Variants in PCDHGA11 observed in about 807,000 individuals in gnomAD.
PCDHGA11 encodes protocadherin gamma subfamily A, 11, also known as protocadherin gamma-A11.
PCDHGA11 carries 39 observed loss-of-function variants against 60.4 expected under a neutral mutation model. The observed-to-expected ratio is 0.65, with a 90% CI of 0.50 to 0.84. The LOEUF (loss-of-function observed/expected upper bound fraction) is 0.84, where lower values mean the gene tolerates loss of function less well. Ranked by LOEUF, PCDHGA11 falls within the 40% of genes least tolerant of loss-of-function variation. The pLI is 0.00. For missense variants in PCDHGA11, 1,165 were observed against 1,197.7 expected (o/e 0.97, Z 0.40); for synonymous variants, 533 against 510.3 (o/e 1.04, Z -0.60).
At position 141,511,247 on chromosome 5, in the gene PCDHGA11, C is replaced by A; in HGVS notation, c.*74C>A. The A allele has an allele frequency of 1.3e-6, 2 of 1,577,162 alleles. No individual in the cohort carries two copies. The highest frequency in any genetic ancestry group is 1.7e-6 in the Non-Finnish European group (2 of 1,161,712). On this transcript the variant is annotated 3_prime_UTR_variant, in exon 4 of 4. Transcript: ENST00000398587. Reference sequence around the variant, plus strand: ...CAGCTTCTCCTTACCTGCACCCAGGCCTCAGAGTTTCAGGGCTAACCCCCA... The same window carrying A: ...CAGCTTCTCCTTACCTGCACCCAGGACTCAGAGTTTCAGGGCTAACCCCCA...
intron 1 of PCDHGA11, chr5:141,441,118 G>C (rs1265461098): frequency 6.6e-6 from 1 of 152,212 alleles, no homozygotes; most frequent in Non-Finnish European, 1.5e-5. Flanking sequence ...CCAGTGTACA[G>C]TTGAGACCGA....
Position 141,432,562 on chromosome 5 carries a change from C to G in PCDHGA11, c.2433+8902C>G. On this transcript the variant is annotated intron_variant, in intron 1 of 3. Coordinates refer to ENST00000398587, the MANE Select transcript of PCDHGA11 (RefSeq NM_018914.3). The surrounding 1 kb of genome is among the most constrained non-coding windows in gnomAD (Gnocchi z 6.0). ...CGGTGGACAGAGACTCCGGCCAGAA[C>G]GCCTGGCTGTCCTACCGTCTGCTCA... 1 of 1,613,964 alleles carries G rather than the reference C, an allele frequency of 6.2e-7. No homozygotes were observed. Among genetic ancestry groups the G allele is most frequent in the Non-Finnish European group, 8.5e-7 (1 of 1,180,004 alleles).
chr5:141,492,492 G>A (rs896538392), intron 1 of PCDHGA11, among the ~76,000 whole-genome samples: 2 of 152,206 alleles, frequency 1.3e-5, no homozygotes, highest in African/African-American at 2.4e-5. Context: ...AGGACCAGGC[G>A]AGGACTCCGG....
chr5:141,435,642 T>C lies in PCDHGA11; in HGVS notation c.2433+11982T>C, dbSNP rs1326178929. On this transcript the variant is annotated intron_variant, in intron 1 of 3. Coordinates refer to ENST00000398587, the MANE Select transcript of PCDHGA11 (RefSeq NM_018914.3). ...CATAACTTTTACAACTATGGGAAAA[T>C]TTCTGAAACGTGCACAGATTCCAAG... Among the ~76,000 whole-genome samples the C allele has an allele frequency of 2.0e-5, 3 of 152,156 alleles. No individual in the cohort carries two copies. The East Asian group carries it at 5.8e-4, about 29-fold the overall frequency.
chr5:141,460,507 G>A (rs2098991001), intron 1 of PCDHGA11, among the ~76,000 whole-genome samples: 1 of 152,036 alleles, frequency 6.6e-6, no homozygotes. Context: ...ATGCTGAGAA[G>A]GCTATCTTTT....
At chr5:141,448,185 G>A (rs2098572532) in intron 1 of PCDHGA11, among the ~76,000 whole-genome samples, 1 of 152,020 alleles carries the variant, frequency 6.6e-6, no homozygotes, top group Non-Finnish European at 1.5e-5. Flanking sequence ...CCCTGGTTAT[G>A]TACACTTACA....
rs1220219512 is a variant in PCDHGA11 at position 141,423,035 on chromosome 5, C to T, written c.1808C>T (p.Ala603Val). 2 of 1,614,214 alleles carry T rather than the reference C, an allele frequency of 1.2e-6. No individual in the cohort carries two copies. The highest frequency in any genetic ancestry group is 3.3e-5 in the Admixed American group (2 of 60,030). The change falls in exon 1 of 4, where the codon GCC becomes GTC. Residue 603 changes from alanine to valine, a missense_variant. Physicochemically the swap from Ala to Val is moderately conservative, Grantham distance 64. Transcript: ENST00000398587. The stretch of plus-strand genomic sequence containing the variant: ...GTGGACAAAGATTCAGGCCAGAACG[C>T]CTGGCTGTCCTATCGCCTGCTTAAG... The part of the protein sequence containing the change: ...VAVDKDSGQN[A>V]WLSYRLLKAS...
In PCDHGA11 at chr5:141,433,172, G is replaced by C. The variant is rs147848043; in HGVS notation, c.2433+9512G>C. 533 of 1,610,720 alleles carry C rather than the reference G, an allele frequency of 3.3e-4. 5 individuals carry two copies. In the South Asian group the frequency reaches 5.0e-3, roughly 15 times the overall value. On this transcript the variant is annotated intron_variant, in intron 1 of 3. Transcript: ENST00000398587. ...TTCGGTATTTTCTAAAGACAGTCAT[G>C]GGTTAATTGAGGTGAGTTTATATCA...
intron 1 of PCDHGA11, chr5:141,427,747 C>A (rs2097063869): frequency 1.6e-6 from 2 of 1,277,502 alleles, no homozygotes; most frequent in Non-Finnish European, 2.2e-6. Flanking sequence ...GTCTCCTACT[C>A]CATCGTTACC....
rs990493129 is a variant in PCDHGA11 at position 141,449,560 on chromosome 5, G to C, written c.2433+25900G>C. On this transcript the variant is annotated intron_variant, in intron 1 of 3. Coordinates refer to ENST00000398587, the MANE Select transcript of PCDHGA11 (RefSeq NM_018914.3). ...GCCGAGATCGCACCACTGCACTCCA[G>C]CCTGGGCGACAGAGCAAGACTCTGT... Among the ~76,000 whole-genome samples, 4 of 145,056 alleles carry C rather than the reference G, an allele frequency of 2.8e-5. No homozygotes were observed. The Admixed American group carries it at 2.8e-4, about 10-fold the overall frequency.
rs1173306822 is a variant in PCDHGA11, at chr5:141,431,115, T to G, written c.2433+7455T>G. The G allele has an allele frequency of 6.2e-7, 1 of 1,613,608 alleles. No homozygotes were observed. Among genetic ancestry groups the G allele is most frequent in the East Asian group, 2.2e-5 (1 of 44,840 alleles). ...GAGGATAAAGTGAAAATATATGGAG[T>G]AGAAGTAGAAGTAAGGGACATTAAC... On this transcript the variant is annotated intron_variant, in intron 1 of 3. Transcript: ENST00000398587. This position sits in a 1 kb window ranked among gnomAD's most constrained non-coding sequence, Gnocchi z 4.8.
chr5:141,442,457 T>G (rs1209684998), intron 1 of PCDHGA11: 1 of 152,268 alleles, frequency 6.6e-6, no homozygotes, highest in African/African-American at 2.4e-5. Context: ...AATAGCAGTT[T>G]CACTGCAGAA....
At chr5:141,439,207 C>A (rs1003519997) in intron 1 of PCDHGA11, among the ~76,000 whole-genome samples, 1 of 149,828 alleles carries the variant, frequency 6.7e-6, no homozygotes, top group Non-Finnish European at 1.5e-5. Context: ...AAAAAAAAAT[C>A]CATATGTGAA....
chr5:141,499,122 A>G (rs971741957), intron 2 of PCDHGA11, among the ~76,000 whole-genome samples: 3 of 152,140 alleles, frequency 2.0e-5, no homozygotes, highest in African/African-American at 7.2e-5. Context: ...ATCCCTTCTC[A>G]GGTCATCCTT....
intron 1 of PCDHGA11, among the ~76,000 whole-genome samples, chr5:141,459,461 G>A (rs1217201752): frequency 6.6e-6 from 1 of 152,214 alleles, no homozygotes; most frequent in Non-Finnish European, 1.5e-5. Flanking sequence ...GGACATTTGA[G>A]TTGTGTCCAG....
At chr5:141,427,780 T>C (rs2097069858) in intron 1 of PCDHGA11, 1 of 1,456,004 alleles carries the variant, frequency 6.9e-7, no homozygotes. Flanking sequence ...CTGCGGGCAC[T>C]GTCGTCCTAC....
intron 1 of PCDHGA11, among the ~76,000 whole-genome samples, chr5:141,459,962 C>T (rs994878993): frequency 5.3e-5 from 8 of 152,290 alleles, no homozygotes; most frequent in South Asian, 2.1e-4. Flanking sequence ...CCTGTAATCC[C>T]AGCTACTCAG....
rs756216038 is a variant in PCDHGA11, at chr5:141,477,967, C to G, written c.2434-16840C>G. 1.9e-6 allele frequency: 3 copies of G among 1,614,032 alleles called. No homozygotes were observed. Among genetic ancestry groups the G allele is most frequent in the Admixed American group, 3.3e-5 (2 of 59,996 alleles). ...GTCTCTTGGGATCCCCTAACCAGAG[C>G]CTTTTTGCCATAGGGCTGCACACTG... On this transcript the variant is annotated intron_variant, in intron 1 of 3. Transcript: ENST00000398587. The surrounding 1 kb of genome is among the most constrained non-coding windows in gnomAD (Gnocchi z 4.9).
intron 2 of PCDHGA11, among the ~76,000 whole-genome samples, chr5:141,501,184 C>T (rs1209222790): frequency 6.6e-6 from 1 of 152,002 alleles, no homozygotes; most frequent in Non-Finnish European, 1.5e-5. Context: ...CATTTTAACA[C>T]AATTAAATTC....
Sources: allele counts gnomAD v4.1 joint callset (sites outside exome capture counted in the v4.1 genomes callset), GRCh38; gene constraint gnomAD v4.1.1; non-coding constraint Gnocchi (gnomAD v3.1); transcripts MANE v1.5; gene names NCBI Gene and HGNC (gene_info 2026-07-23, HGNC 2026-07-21).